NCR3LG1: variants seen among roughly 807,000 people sequenced by gnomAD.
NCR3LG1 encodes natural killer cell cytotoxicity receptor 3 ligand 1.
NCR3LG1 carries 35 observed loss-of-function variants against 34.8 expected under a neutral mutation model. That is an observed-to-expected ratio of 1.01 (90% CI 0.77 to 1.33). NCR3LG1 has a LOEUF of 1.33. Among genes scored for constraint, NCR3LG1 ranks in the 40% most tolerant of loss-of-function variants. The pLI is 0.00. For missense variants in NCR3LG1, 452 were observed against 423.3 expected, an observed-to-expected ratio of 1.07 and a Z score of -0.60; for synonymous variants, 173 against 163.6, an observed-to-expected ratio of 1.06 and a Z score of -0.44.
intron 3 of NCR3LG1, among the ~76,000 whole-genome samples, chr11:17,368,663 T>C (rs756346571): frequency 4.6e-5 from 7 of 152,294 alleles, no homozygotes; most frequent in Non-Finnish European, 1.0e-4. Context: ...ATCTTCCATA[T>C]TTTTGGCAAG....
downstream of NCR3LG1, among the ~76,000 whole-genome samples, chr11:17,379,106 A>G (rs1189701454): frequency 1.6e-4 from 25 of 152,188 alleles, no homozygotes; most frequent in Admixed American, 1.6e-3. Flanking sequence ...CCCTCTTGGC[A>G]GTGGGGAGCT....
chr11:17,354,114 A>T (rs1158340424), intron 1 of NCR3LG1, among the ~76,000 whole-genome samples: 1 of 152,270 alleles, frequency 6.6e-6, no homozygotes, highest in Non-Finnish European at 1.5e-5. Flanking sequence ...TTTATTTCAG[A>T]AATGAAGTTG....
At position 17,356,525 on chromosome 11, in the gene NCR3LG1, T is replaced by C. The variant is rs1042688322; in HGVS notation, c.71-126T>C. 2.0e-4 allele frequency: 138 copies of C among 677,564 alleles called. No homozygotes were observed. In the Middle Eastern group the frequency reaches 6.3e-3, roughly 31 times the overall value. 42.0% of individuals were successfully genotyped at this position (677,564 alleles called of 1,614,324 possible). On this transcript the variant is annotated intron_variant, in intron 1 of 4. Coordinates refer to ENST00000338965, the MANE Select transcript of NCR3LG1 (RefSeq NM_001202439.3). ...GCTTCCCAAAGGCCCTGCCTCCAGA[T>C]ACCATCACACTGGGGGTCAGGCCTC... is the stretch of plus-strand genomic sequence containing the variant.
At position 17,367,483 on chromosome 11, in the gene NCR3LG1, G is replaced by A. The variant is rs545109587; in HGVS notation, c.760+136G>A. 321 of 760,900 alleles carry A rather than the reference G, an allele frequency of 4.2e-4. 2 individuals carry two copies. The highest frequency in any genetic ancestry group is 2.5e-3 in the South Asian group (134 of 52,912). 47.1% of individuals were successfully genotyped at this position (760,900 alleles called of 1,614,324 possible). On this transcript the variant is annotated intron_variant, in intron 3 of 4. Transcript: ENST00000338965. Reference sequence around the variant, plus strand: ...AAGCTTGGACTGGAAGGACCAAGCTGGAGTCTGGCCTAGCTCAGCCCCAGA... The same window carrying A: ...AAGCTTGGACTGGAAGGACCAAGCTAGAGTCTGGCCTAGCTCAGCCCCAGA...
At chr11:17,354,545 C>CTTTTTTTTTTTTTTTTTTTTTTT (rs71047545) in intron 1 of NCR3LG1, among the ~76,000 whole-genome samples, 5 of 70,332 alleles carry the variant, frequency 7.1e-5, no homozygotes, top group Admixed American at 1.4e-4. Flanking sequence ...AATTCTTCTT[C>CTTTTTTTTTTTTTTTTTTTTTTT]TTTTTTTTTT....
intron 4 of NCR3LG1, among the ~76,000 whole-genome samples, chr11:17,369,244 A>G (rs1276013926): frequency 6.6e-6 from 1 of 152,184 alleles, no homozygotes; most frequent in Non-Finnish European, 1.5e-5. Flanking sequence ...ATACTAAACA[A>G]GTATTATATC....
chr11:17,371,278 A>G (rs751841765), intron 4 of NCR3LG1, among the ~76,000 whole-genome samples: 3 of 152,044 alleles, frequency 2.0e-5, no homozygotes, highest in Non-Finnish European at 4.4e-5. Flanking sequence ...TTCAAACCCT[A>G]TAGTGCTACC....
rs1339317591 is a variant in NCR3LG1, at chr11:17,374,524, T to C, written c.*2012T>C. ...CTGAGGCTCTCCTTAATTTCCTAGCTGGAAAGGGATATAAGGCTTCAAAAT... is the reference window on the plus strand; with the variant it reads ...CTGAGGCTCTCCTTAATTTCCTAGCCGGAAAGGGATATAAGGCTTCAAAAT... On this transcript the variant is annotated 3_prime_UTR_variant, in exon 5 of 5. Coordinates refer to ENST00000338965, the MANE Select transcript of NCR3LG1 (RefSeq NM_001202439.3). 6.6e-6 allele frequency: 1 copy of C among 152,184 alleles called. No individual in the cohort carries two copies. The highest frequency in any genetic ancestry group is 1.5e-5 in the Non-Finnish European group (1 of 68,040). The allele number at this position is 152,184 out of a possible 1,614,324, so 9.4% of individuals were successfully genotyped here.
Position 17,376,989 on chromosome 11 carries a change from AT to A in NCR3LG1, c.*4478del, listed in dbSNP as rs1442540773. ...AACCACCCTGACACATGGCACTATA[AT>A]GTAAAAAACAACACATAGGCCTTCC... On this transcript the variant is annotated 3_prime_UTR_variant, in exon 5 of 5. Transcript: ENST00000338965. 3 of 152,082 alleles carry A rather than the reference AT, an allele frequency of 2.0e-5. No homozygotes were observed. The highest frequency in any genetic ancestry group is 4.4e-5 in the Non-Finnish European group (3 of 68,024). 9.4% of individuals were successfully genotyped at this position (152,082 alleles called of 1,614,324 possible). A position where few individuals can be genotyped will look rare whatever the true frequency, so the allele number is the denominator to read the frequency against.
chr11:17,380,382 C>T (rs1050641270), downstream of NCR3LG1, among the ~76,000 whole-genome samples: 4 of 152,190 alleles, frequency 2.6e-5, no homozygotes, highest in Admixed American at 1.3e-4. Context: ...ATACCATCCT[C>T]TCCAGGGTTG....
chr11:17,375,044 C>T lies in NCR3LG1; in HGVS notation c.*2532C>T, dbSNP rs191140543. The T allele has an allele frequency of 2.7e-3, 411 of 152,294 alleles. 1 individual carries two copies. The highest frequency in any genetic ancestry group is 9.5e-3 in the African/African-American group (393 of 41,554). 9.4% of individuals were successfully genotyped at this position (152,294 alleles called of 1,614,324 possible). The stretch of plus-strand genomic sequence containing the variant: ...CCTCTGAGCAGTTACAGTAGTGGCC[C>T]TGCTAGTCCCAGAGGCCACCAAGTT... On this transcript the variant is annotated 3_prime_UTR_variant, in exon 5 of 5. Transcript: ENST00000338965.
intron 2 of NCR3LG1, among the ~76,000 whole-genome samples, chr11:17,363,542 C>CCTTCCTTCCTTCCTTCCTTCCTTCCTT (rs1554898612): frequency 1.8e-5 from 1 of 54,658 alleles, no homozygotes; most frequent in African/African-American, 1.4e-4. Flanking sequence ...CTCCCTCCCT[C>CCTTCCTTCCTTCCTTCCTTCCTTCCTT]CCTTCCTTCC....
chr11:17,355,755 G>A (rs1591677430), intron 1 of NCR3LG1, among the ~76,000 whole-genome samples: 1 of 152,124 alleles, frequency 6.6e-6, no homozygotes. Context: ...TTTACGTGGT[G>A]GAGAGAGACA....
chr11:17,360,405 T>TA (rs1202711600), intron 2 of NCR3LG1, among the ~76,000 whole-genome samples: 3 of 152,224 alleles, frequency 2.0e-5, no homozygotes, highest in Non-Finnish European at 2.9e-5. Flanking sequence ...AAGTCGAACT[T>TA]ACTACATTTT....
At chr11:17,380,284 C>T (rs1953507150), downstream of NCR3LG1, among the ~76,000 whole-genome samples, 2 of 152,064 alleles carry the variant, frequency 1.3e-5, no homozygotes, top group Non-Finnish European at 2.9e-5. Context: ...CCTCCCACAT[C>T]GCAAAAATGA....
chr11:17,377,576 A>AGG (rs1953489472), downstream of NCR3LG1, among the ~76,000 whole-genome samples: 1 of 152,202 alleles, frequency 6.6e-6, no homozygotes, highest in Non-Finnish European at 1.5e-5. Flanking sequence ...GTGAGTGACT[A>AGG]TCCTGAGTAT....
chr11:17,354,300 G>A (rs1011184008), intron 1 of NCR3LG1, among the ~76,000 whole-genome samples: 1 of 152,204 alleles, frequency 6.6e-6, no homozygotes, highest in African/African-American at 2.4e-5. Context: ...TGAAAAAGGC[G>A]AATGCTGTTA....
At chr11:17,363,771 A>G (rs1233203992) in intron 2 of NCR3LG1, among the ~76,000 whole-genome samples, 1 of 151,330 alleles carries the variant, frequency 6.6e-6, no homozygotes, top group Non-Finnish European at 1.5e-5. Flanking sequence ...TAATTTTTGT[A>G]TTTTTTGTAG....
At chr11:17,378,260 G>A (rs1953493646), downstream of NCR3LG1, among the ~76,000 whole-genome samples, 1 of 152,126 alleles carries the variant, frequency 6.6e-6, no homozygotes, top group African/African-American at 2.4e-5. Context: ...CTCTAGTCAA[G>A]TAGAAGAGAA....
Sources: gnomAD v4.1 joint callset for allele counts (sites outside exome capture counted in the v4.1 genomes callset) on GRCh38, gnomAD v4.1.1 for gene constraint, MANE v1.5 for transcripts, NCBI Gene and HGNC (gene_info 2026-07-23, HGNC 2026-07-21) for gene names.